The following MEI4 variants were observed in gnomAD, a reference collection of about 807,000 sequenced individuals.
The protein encoded by MEI4 is meiotic double-stranded break formation protein 4.
Under a neutral mutation model 31.4 loss-of-function variants are expected in MEI4, and 27 were observed. The observed-to-expected ratio is 0.86, with a 90% CI of 0.63 to 1.19. The LOEUF (loss-of-function observed/expected upper bound fraction) is 1.19. MEI4 is among the 50% of genes most tolerant of loss of function. MEI4 has a pLI of 0.00. For synonymous variants in MEI4, 122 were observed against 145.4 expected, an observed-to-expected ratio of 0.84 and a Z score of 1.16; for missense variants, 329 against 398.9, an observed-to-expected ratio of 0.82 and a Z score of 1.49.
At chr6:77,661,019 C>T (rs1768495955) in intron 1 of MEI4, among the ~76,000 whole-genome samples, 1 of 152,020 alleles carries the variant, frequency 6.6e-6, no homozygotes, top group Non-Finnish European at 1.5e-5. Flanking sequence ...AAGATAGTCG[C>T]CTAGAGGGCT....
intron 2 of MEI4, among the ~76,000 whole-genome samples, chr6:77,739,348 C>G (rs1032932840): frequency 6.6e-6 from 1 of 152,030 alleles, no homozygotes; most frequent in Non-Finnish European, 1.5e-5. Context: ...GAATCCTGTC[C>G]CCATTGCTTG....
intron 2 of MEI4, among the ~76,000 whole-genome samples, chr6:77,756,440 G>C (rs953567804): frequency 4.6e-5 from 7 of 152,070 alleles, no homozygotes; most frequent in African/African-American, 1.4e-4. Context: ...GTAGTTGTCA[G>C]AGTTTTCATC....
chr6:77,890,709 G>T (rs1771744093), intron 4 of MEI4, among the ~76,000 whole-genome samples: 1 of 152,164 alleles, frequency 6.6e-6, no homozygotes, highest in South Asian at 2.1e-4. Context: ...ATCTAATCCT[G>T]AATTATAGTT....
upstream of MEI4, among the ~76,000 whole-genome samples, chr6:77,650,409 C>A (rs895902938): frequency 6.6e-6 from 1 of 152,226 alleles, no homozygotes; most frequent in African/African-American, 2.4e-5. Context: ...CCCTCACTTC[C>A]CCCACGAGTG....
rs1263247714 is a variant in MEI4 at position 77,674,008 on chromosome 6, G to A, written c.-14-16650G>A. Among the ~76,000 whole-genome samples the A allele has an allele frequency of 2.6e-5, 4 of 152,100 alleles. 1 individual carries two copies. Among genetic ancestry groups the A allele is most frequent in the Non-Finnish European group, 5.9e-5 (4 of 68,010 alleles). ...GCATTTAATGTTTGATTATTTAAAA[G>A]GTCTTCTATATATGTGGAAGAAAGA... On this transcript the variant is annotated intron_variant, in intron 1 of 4. Transcript: ENST00000684080.
chr6:77,671,421 G>A (rs967394805), intron 1 of MEI4, among the ~76,000 whole-genome samples: 5 of 151,996 alleles, frequency 3.3e-5, no homozygotes, highest in African/African-American at 9.7e-5. Flanking sequence ...GTACTGCAAG[G>A]TTGTTTGCTG....
intron 2 of MEI4, among the ~76,000 whole-genome samples, chr6:77,741,554 A>G (rs1488711960): frequency 2.0e-5 from 3 of 152,166 alleles, no homozygotes; most frequent in Admixed American, 6.5e-5. Flanking sequence ...TTAATTTTAT[A>G]TGTCCACTTG....
At chr6:77,884,738 T>G (rs9341704) in intron 4 of MEI4, among the ~76,000 whole-genome samples, 125,688 of 152,200 alleles carry the variant, frequency 0.83, 52,416 homozygotes, top group East Asian at 0.95. Flanking sequence ...CCAATACCAT[T>G]CTGGTTTGGT....
chr6:77,924,635 T>C lies in MEI4; in HGVS notation c.*1289T>C, dbSNP rs1292766023. On this transcript the variant is annotated 3_prime_UTR_variant, in exon 5 of 5. Transcript: ENST00000684080. ...ATAGGCTTCTTGCTAAAAGTCAGGC[T>C]TTCTTCTCTTCCACATGTGCATATT... The C allele has an allele frequency of 6.6e-6, 1 of 151,836 alleles. No individual in the cohort carries two copies. The highest frequency in any genetic ancestry group is 1.5e-5 in the Non-Finnish European group (1 of 67,898). 9.4% of individuals were successfully genotyped at this position (151,836 alleles called of 1,614,324 possible). A position where few individuals can be genotyped will look rare whatever the true frequency, so the allele number is the denominator to read the frequency against.
At chr6:77,753,665 T>C (rs1767840038) in intron 2 of MEI4, among the ~76,000 whole-genome samples, 1 of 152,126 alleles carries the variant, frequency 6.6e-6, no homozygotes, top group Admixed American at 6.6e-5. Context: ...AGTGTAAATG[T>C]GTTCAACCAT....
intron 2 of MEI4, among the ~76,000 whole-genome samples, chr6:77,756,122 A>G (rs1020839963): frequency 1.3e-5 from 2 of 152,172 alleles, no homozygotes; most frequent in Non-Finnish European, 2.9e-5. Flanking sequence ...ATCTGGTTGT[A>G]GTTATGAAAG....
chr6:77,864,965 C>A (rs1023718379), intron 4 of MEI4, among the ~76,000 whole-genome samples: 11 of 152,156 alleles, frequency 7.2e-5, no homozygotes, highest in Non-Finnish European at 8.8e-5. Flanking sequence ...ACTGAACAAC[C>A]TGCTCCTGAA....
chr6:77,728,042 G>T (rs1163668751), intron 2 of MEI4, among the ~76,000 whole-genome samples: 2 of 152,206 alleles, frequency 1.3e-5, no homozygotes, highest in Non-Finnish European at 1.5e-5. Flanking sequence ...ATGTGGTTGA[G>T]AGAGTGAAGG....
chr6:77,755,423 C>CT (rs554750812), intron 2 of MEI4, among the ~76,000 whole-genome samples: 31 of 147,588 alleles, frequency 2.1e-4, no homozygotes, highest in Admixed American at 7.5e-4. Context: ...TTTATTCATA[C>CT]TTTTTTTTTT....
intron 1 of MEI4, among the ~76,000 whole-genome samples, chr6:77,685,429 T>C (rs1769037372): frequency 6.6e-6 from 1 of 151,994 alleles, no homozygotes; most frequent in Admixed American, 6.6e-5. Flanking sequence ...TTGGAGTCCC[T>C]TGTATATTTT....
chr6:77,768,664 C>T (rs1485685383), intron 3 of MEI4, among the ~76,000 whole-genome samples: 1 of 150,352 alleles, frequency 6.7e-6, no homozygotes, highest in African/African-American at 2.5e-5. Context: ...CATGTCACTG[C>T]ACTCCCGCCT....
intron 2 of MEI4, among the ~76,000 whole-genome samples, chr6:77,738,527 A>G (rs973920859): frequency 6.6e-6 from 1 of 152,148 alleles, no homozygotes; most frequent in Non-Finnish European, 1.5e-5. Context: ...AGTAGTTAAT[A>G]TTGTAAATAG....
intron 1 of MEI4, among the ~76,000 whole-genome samples, chr6:77,684,675 A>G (rs1769019960): frequency 7.7e-6 from 1 of 129,144 alleles, no homozygotes; most frequent in Admixed American, 7.8e-5. Context: ...GTTGCAAATG[A>G]CTGTATCTCA....
At chr6:77,904,462 A>AC (rs1484462564) in intron 4 of MEI4, among the ~76,000 whole-genome samples, 4 of 151,744 alleles carry the variant, frequency 2.6e-5, no homozygotes, top group Non-Finnish European at 5.9e-5. Context: ...CTCTACTCCC[A>AC]CCCCCCACTC....
Sources: allele counts gnomAD v4.1 joint callset (sites outside exome capture counted in the v4.1 genomes callset), GRCh38; gene constraint gnomAD v4.1.1; transcripts MANE v1.5; gene names NCBI Gene and HGNC (gene_info 2026-07-23, HGNC 2026-07-21).